STXBP5L: variants seen among roughly 807,000 people sequenced by gnomAD.
The protein encoded by STXBP5L is syntaxin-binding protein 5-like.
Under a neutral mutation model 144.5 loss-of-function variants are expected in STXBP5L, and 65 were observed. The ratio of observed to expected loss-of-function variants is 0.45; its 90% CI spans 0.37 to 0.55. The LOEUF (loss-of-function observed/expected upper bound fraction) is 0.55. Ranked by LOEUF, STXBP5L falls within the 20% of genes least tolerant of loss-of-function variation. The pLI is 0.00. For synonymous variants in STXBP5L, 505 were observed against 469.6 expected, an observed-to-expected ratio of 1.08 and a Z score of -0.97; for missense variants, 1,298 against 1,405.5, an observed-to-expected ratio of 0.92 and a Z score of 1.22.
At chr3:121,382,884 G>C (rs1452410596) in intron 22 of STXBP5L, among the ~76,000 whole-genome samples, 1 of 152,054 alleles carries the variant, frequency 6.6e-6, no homozygotes. Context: ...GTAAATATTT[G>C]AAAACTTTTT....
chr3:121,096,296 G>C (rs1385564661), intron 5 of STXBP5L, among the ~76,000 whole-genome samples: 1 of 152,188 alleles, frequency 6.6e-6, no homozygotes, highest in Non-Finnish European at 1.5e-5. Context: ...CATTGGGTTA[G>C]AATATGCTCC....
At chr3:120,986,266 G>T (rs890900119) in intron 3 of STXBP5L, among the ~76,000 whole-genome samples, 1 of 151,832 alleles carries the variant, frequency 6.6e-6, no homozygotes, top group African/African-American at 2.4e-5. Context: ...TGTATGTTCT[G>T]TATTTTTGAA....
chr3:121,085,710 G>A (rs1275958629), intron 5 of STXBP5L, among the ~76,000 whole-genome samples: 1 of 152,160 alleles, frequency 6.6e-6, no homozygotes, highest in Non-Finnish European at 1.5e-5. Flanking sequence ...CATGCTTGTG[G>A]ATAGGAAGGA....
chr3:121,165,337 CATT>C, intron 9 of STXBP5L, among the ~76,000 whole-genome samples: 1 of 152,242 alleles, frequency 6.6e-6, no homozygotes, highest in Non-Finnish European at 1.5e-5. Context: ...TATAATTCCG[CATT>C]GGGAACTATT....
intron 18 of STXBP5L, among the ~76,000 whole-genome samples, chr3:121,262,908 G>A (rs1440995457): frequency 3.3e-5 from 5 of 152,212 alleles, no homozygotes; most frequent in African/African-American, 1.2e-4. Context: ...AGACTTAAAT[G>A]TTCCTGCCTG....
chr3:121,353,619 T>G (rs551230136), intron 20 of STXBP5L, among the ~76,000 whole-genome samples: 1 of 152,246 alleles, frequency 6.6e-6, no homozygotes, highest in East Asian at 1.9e-4. Context: ...TTTGTTGATC[T>G]TTTCAAAAAA....
intron 6 of STXBP5L, 53 bp downstream of exon 6, chr3:121,115,112 T>C (rs1231007722): frequency 1.8e-5 from 27 of 1,524,478 alleles, no homozygotes; most frequent in Admixed American, 1.3e-4. Context: ...CATACAGTTA[T>C]GTAACATGTA....
At chr3:121,003,241 T>A (rs573224595) in intron 3 of STXBP5L, among the ~76,000 whole-genome samples, 32 of 152,118 alleles carry the variant, frequency 2.1e-4, no homozygotes, top group Admixed American at 1.7e-3. Flanking sequence ...TTTTAATGAT[T>A]GCCATTCTAA....
chr3:121,005,392 G>T (rs1364162017), intron 3 of STXBP5L, among the ~76,000 whole-genome samples: 1 of 152,088 alleles, frequency 6.6e-6, no homozygotes, highest in Non-Finnish European at 1.5e-5. Flanking sequence ...GTGAACGGTG[G>T]TGATATCCCC....
At chr3:121,207,125 A>G (rs575259878) in intron 10 of STXBP5L, among the ~76,000 whole-genome samples, 2 of 152,298 alleles carry the variant, frequency 1.3e-5, no homozygotes, top group African/African-American at 4.8e-5. Context: ...CCTACTATGC[A>G]TTCACTGATA....
chr3:121,067,081 C>A (rs1197038722), intron 5 of STXBP5L, among the ~76,000 whole-genome samples: 1 of 151,750 alleles, frequency 6.6e-6, no homozygotes, highest in Non-Finnish European at 1.5e-5. Context: ...AATAAGTCTT[C>A]TGGAGATTTA....
At chr3:121,419,020 T>C in intron 26 of STXBP5L, 36 bp from the exon 27 acceptor site, 2 of 1,603,116 alleles carry the variant, frequency 1.2e-6, no homozygotes. Context: ...TTTTAAAGTA[T>C]TTTAGCGTCT....
At position 121,284,210 on chromosome 3, in the gene STXBP5L, C is replaced by A. The variant is rs1045135265; in HGVS notation, c.2110+4254C>A. ...TTTTTTTCAGCCCATCATTCAGGAT[C>A]CTCTAAAGTATAATTTCTATCAACA... On this transcript the variant is annotated intron_variant, in intron 19 of 26. Coordinates refer to ENST00000471454, the MANE Select transcript of STXBP5L (RefSeq NM_001308330.2). Among the ~76,000 whole-genome samples the A allele has an allele frequency of 5.6e-4, 85 of 151,880 alleles. 1 individual carries two copies. The highest frequency in any genetic ancestry group is 1.8e-3 in the African/African-American group (75 of 41,368).
At chr3:120,926,451 G>A (rs73185424) in intron 2 of STXBP5L, among the ~76,000 whole-genome samples, 6,038 of 149,246 alleles carry the variant, frequency 0.04, 168 homozygotes, top group Middle Eastern at 0.083. Flanking sequence ...TGTTATTTGC[G>A]TATTTTCTCT....
Position 121,354,768 on chromosome 3 carries a change from T to G in STXBP5L, c.2177-23948T>G, listed in dbSNP as rs2045439798. On this transcript the variant is annotated intron_variant, in intron 20 of 26. Coordinates refer to ENST00000471454, the MANE Select transcript of STXBP5L (RefSeq NM_001308330.2). ...GCTGGTTATTTTGCCCGTTAACTGA[T>G]GCAGTTTCTTCCTAGCATCTATGAT... 2.6e-5 allele frequency among the ~76,000 whole-genome samples: 4 copies of G among 152,190 alleles called. No individual in the cohort carries two copies. In the South Asian group the frequency reaches 8.3e-4, roughly 32 times the overall value.
At chr3:120,981,220 TCTGA>T (rs1438809315) in intron 3 of STXBP5L, among the ~76,000 whole-genome samples, 1 of 152,186 alleles carries the variant, frequency 6.6e-6, no homozygotes, top group Non-Finnish European at 1.5e-5. Context: ...CCAGGAGTTT[TCTGA>T]CTTTCTTGTA....
At chr3:121,041,816 C>G (rs759558169) in intron 4 of STXBP5L, 35 bp downstream of exon 4, 6 of 1,345,978 alleles carry the variant, frequency 4.5e-6, no homozygotes, top group Non-Finnish European at 5.3e-6. Context: ...AAATCACACA[C>G]TCCCCCACTA....
chr3:120,990,648 C>A (rs1204158971), intron 3 of STXBP5L, among the ~76,000 whole-genome samples: 1 of 152,110 alleles, frequency 6.6e-6, no homozygotes, highest in Non-Finnish European at 1.5e-5. Flanking sequence ...ACCAATGGAA[C>A]AGAACAGAGC....
intron 5 of STXBP5L, among the ~76,000 whole-genome samples, chr3:121,051,358 T>C (rs1448392564): frequency 6.6e-6 from 1 of 152,056 alleles, no homozygotes; most frequent in African/African-American, 2.4e-5. Flanking sequence ...TCAGCAAATG[T>C]AAAAGAACAG....
Sources: allele counts gnomAD v4.1 joint callset (sites outside exome capture counted in the v4.1 genomes callset), GRCh38; gene constraint gnomAD v4.1.1; transcripts MANE v1.5; gene names NCBI Gene and HGNC (gene_info 2026-07-23, HGNC 2026-07-21).